ZNF510: variants seen among roughly 807,000 people sequenced by gnomAD.
ZNF510 encodes the protein zinc finger protein 510.
Under a neutral mutation model 18.1 loss-of-function variants are expected in ZNF510, and 15 were observed. The observed-to-expected ratio is 0.83, with a 90% CI of 0.55 to 1.28. ZNF510 has a LOEUF of 1.28. Among genes scored for constraint, ZNF510 ranks in the 50% most tolerant of loss-of-function variants. The pLI, the probability that ZNF510 is intolerant of heterozygous loss-of-function variation, is 0.00. For missense variants in ZNF510, 724 were observed against 791.8 expected (o/e 0.91, Z 1.03); for synonymous variants, 261 against 266.4 (o/e 0.98, Z 0.20).
intron 5 of ZNF510, among the ~76,000 whole-genome samples, chr9:96,761,940 T>C (rs1849356204): frequency 6.6e-6 from 1 of 152,072 alleles, no homozygotes; most frequent in Non-Finnish European, 1.5e-5. Context: ...TTGTCAGTCA[T>C]ACAGTTAGAA....
intron 3 of ZNF510, among the ~76,000 whole-genome samples, chr9:96,770,615 AT>A (rs1849566974): frequency 1.6e-5 from 2 of 128,300 alleles, no homozygotes; most frequent in African/African-American, 8.9e-5. Flanking sequence ...AAAAAAAAAT[AT>A]ATATATATAT....
chr9:96,777,676 C>T (rs1301560940), intron 1 of ZNF510: 1 of 152,246 alleles, frequency 6.6e-6, no homozygotes, highest in African/African-American at 2.4e-5. Flanking sequence ...AGCTCCTAGG[C>T]TCGGCCTCTC....
In ZNF510 at chr9:96,774,810, T is replaced by C. The variant is rs1369954854; in HGVS notation, c.107A>G (p.Gln36Arg). The C allele has an allele frequency of 6.2e-7, 1 of 1,613,966 alleles. No homozygotes were observed. Among genetic ancestry groups the C allele is most frequent in the Non-Finnish European group, 8.5e-7 (1 of 1,179,994 alleles). Residue 36 changes from glutamine to arginine, a missense_variant, in exon 3 of 6, where the codon CAG (glutamine) becomes CGG (arginine). Gln to Arg is a conservative substitution (Grantham distance 43, BLOSUM62 1). Transcript: ENST00000223428. ...PLRFSTLFQE[Q>R]QKMNISQASV... Reference sequence around the variant, plus strand: ...CACCTGAGATATGTTCATTTTCTGCTGCTCCTGAAAGAGTGTGGAGAACCG... The same window carrying C: ...CACCTGAGATATGTTCATTTTCTGCCGCTCCTGAAAGAGTGTGGAGAACCG...
At chr9:96,766,451 T>G (rs2117997223) in intron 3 of ZNF510, among the ~76,000 whole-genome samples, 1 of 152,158 alleles carries the variant, frequency 6.6e-6, no homozygotes, top group African/African-American at 2.4e-5. Flanking sequence ...TATCTATGGC[T>G]GCTTAACACT....
intron 3 of ZNF510, among the ~76,000 whole-genome samples, chr9:96,767,355 C>G (rs1396834649): frequency 6.6e-6 from 1 of 151,954 alleles, no homozygotes; most frequent in South Asian, 2.1e-4. Flanking sequence ...CAAAACAAAA[C>G]AAACCCCTGA....
rs115397623 is a variant in ZNF510 at position 96,765,949 on chromosome 9, G to A, written c.130-2317C>T. Among the ~76,000 whole-genome samples the A allele has an allele frequency of 2.5e-3, 376 of 152,278 alleles. 2 individuals carry two copies. Among genetic ancestry groups the A allele is most frequent in the African/African-American group, 8.1e-3 (335 of 41,536 alleles). ...GATTCATTCAGGCATTAGTTATGGT[G>A]TTGTTGGCCATTAGTTCAATCATTA... On this transcript the variant is annotated intron_variant, in intron 3 of 5. Transcript: ENST00000223428.
chr9:96,774,883 G>A (rs1849657774), intron 2 of ZNF510, 37 bp from the exon 3 acceptor site: 1 of 1,587,226 alleles, frequency 6.3e-7, no homozygotes, highest in East Asian at 2.2e-5. Context: ...GATCTGGGCA[G>A]CCTCCATCTT....
At chr9:96,771,192 A>G (rs1849578232) in intron 3 of ZNF510, among the ~76,000 whole-genome samples, 1 of 152,204 alleles carries the variant, frequency 6.6e-6, no homozygotes, top group Admixed American at 6.5e-5. Flanking sequence ...ACTGCAAGCC[A>G]GTATCTTTCC....
chr9:96,760,102 T>C lies in ZNF510; in HGVS notation c.728A>G (p.Lys243Arg). Reference sequence around the variant, plus strand: ...CTCCAAAGTTTGAAACTTTGGATGCTTGGGAAGATTTTCATTATAATTGAG... The same window carrying C: ...CTCCAAAGTTTGAAACTTTGGATGCCTGGGAAGATTTTCATTATAATTGAG... The part of the protein sequence containing the change: ...KALNYNENLP[K>R]HPKFQTLEQA... Residue 243 changes from lysine to arginine, a missense_variant, in exon 6 of 6, where the codon AAG (lysine) becomes AGG (arginine). Coordinates refer to ENST00000223428, the MANE Select transcript of ZNF510 (RefSeq NM_014930.3). 1.2e-6 allele frequency: 2 copies of C among 1,608,924 alleles called. No individual in the cohort carries two copies. Among genetic ancestry groups the C allele is most frequent in the East Asian group, 2.2e-5 (1 of 44,836 alleles).
chr9:96,776,620 C>CA (rs1043854182), intron 1 of ZNF510, among the ~76,000 whole-genome samples: 1 of 152,106 alleles, frequency 6.6e-6, no homozygotes, highest in African/African-American at 2.4e-5. Flanking sequence ...ACTAAAAATA[C>CA]AAAAAATTAG....
chr9:96,755,400 A>C lies in ZNF510; in HGVS notation c.*3378T>G, dbSNP rs1849171628. Among the ~76,000 whole-genome samples the C allele has an allele frequency of 6.6e-6, 1 of 152,228 alleles. No individual in the cohort carries two copies. Among genetic ancestry groups the C allele is most frequent in the South Asian group, 2.1e-4 (1 of 4,828 alleles). ...TGATTCTCAGGGACTAACTGGTCCT[A>C]ACAGGTACTAACTGGGCTTGTGTAC... is the stretch of plus-strand genomic sequence containing the variant. On this transcript the variant is annotated 3_prime_UTR_variant, in exon 6 of 6. Transcript: ENST00000223428.
chr9:96,772,975 T>G lies in ZNF510; in HGVS notation c.129+1813A>C, dbSNP rs575109155. 4.6e-5 allele frequency among the ~76,000 whole-genome samples: 7 copies of G among 152,084 alleles called. No individual in the cohort carries two copies. In the South Asian group the frequency reaches 1.5e-3, roughly 32 times the overall value. The stretch of plus-strand genomic sequence containing the variant: ...AGGAAAAACAAATGAAAAAATGCAC[T>G]AAGAGGAGAATGAGGAAATAAATTA... On this transcript the variant is annotated intron_variant, in intron 3 of 5. Transcript: ENST00000223428.
Position 96,758,683 on chromosome 9 carries a change from G to C in ZNF510, c.*95C>G. ...ACAGTGAGGGTTTACTTCTGGGACT[G>C]TCTTCTTACATTCACTACCCTCAAT... is the stretch of plus-strand genomic sequence containing the variant. On this transcript the variant is annotated 3_prime_UTR_variant, in exon 6 of 6. Coordinates refer to ENST00000223428, the MANE Select transcript of ZNF510 (RefSeq NM_014930.3). The C allele has an allele frequency of 7.8e-7, 1 of 1,287,784 alleles. No individual in the cohort carries two copies. Among genetic ancestry groups the C allele is most frequent in the South Asian group, 1.6e-5 (1 of 62,896 alleles). The allele number at this position is 1,287,784 out of a possible 1,614,324, so 79.8% of individuals were successfully genotyped here.
chr9:96,759,422 C>T lies in ZNF510; in HGVS notation c.1408G>A (p.Val470Ile). 1 of 1,614,062 alleles carries T rather than the reference C, an allele frequency of 6.2e-7. No individual in the cohort carries two copies. The change falls in exon 6 of 6, where the codon GTC becomes ATC. Residue 470 changes from valine (V) to isoleucine (I), a missense_variant. By Grantham distance (29) the Val-to-Ile change is conservative. Transcript: ENST00000223428. ...YKCNECGKTF[V>I]QKSTLRGHQR... ...TGTCCCCTGAGGGTTGACTTCTGGA[C>T]AAATGTTTTTCCACATTCATTACAT...
At position 96,760,388 on chromosome 9, in the gene ZNF510, A is replaced by G. The variant is rs77379357; in HGVS notation, c.442T>C (p.Leu148=). The change falls in exon 6 of 6, where the codon TTG becomes CTG. Residue 148 remains leucine, a synonymous_variant. Coordinates refer to ENST00000223428, the MANE Select transcript of ZNF510 (RefSeq NM_014930.3). ...EQAICINNKT[L]TTEEEKVLGK... is the part of the protein sequence containing the mutation. ...AAAACTTTCTCTTCCTCTGTAGTCAATGTTTTATTATTGATACATATTGCT... is the reference window on the plus strand; with the variant it reads ...AAAACTTTCTCTTCCTCTGTAGTCAGTGTTTTATTATTGATACATATTGCT... 2,871 of 1,613,628 alleles carry G rather than the reference A, an allele frequency of 1.8e-3. 57 individuals carry two copies. In the African/African-American group the frequency reaches 0.035, roughly 20 times the overall value.
In ZNF510 at chr9:96,758,875, C is replaced by T. The variant is rs1442791552; in HGVS notation, c.1955G>A (p.Gly652Glu). 6.2e-7 allele frequency: 1 copy of T among 1,614,060 alleles called. No individual in the cohort carries two copies. The highest frequency in any genetic ancestry group is 1.1e-5 in the South Asian group (1 of 91,072). Residue 652 changes from glycine to glutamate, a missense_variant, in exon 6 of 6, where the codon GGG becomes GAG. Gly to Glu is a moderately conservative substitution (Grantham distance 98). Transcript: ENST00000223428. ...NLRIHQRTHSGEKSYECNEYG... is the reference protein window; with the variant it reads ...NLRIHQRTHSEEKSYECNEYG... ...TTCATTGCATTCATAAGATTTCTCC[C>T]CACTGTGAGTCCTTTGATGTATTCT...
At position 96,758,836 on chromosome 9, in the gene ZNF510, C is replaced by T. The variant is rs1021913208; in HGVS notation, c.1994G>A (p.Cys665Tyr). The change falls in exon 6 of 6, where the codon TGT (cysteine) becomes TAT (tyrosine). Residue 665 changes from cysteine (C) to tyrosine (Y), a missense_variant. By Grantham distance (194) the Cys-to-Tyr change is radical. Transcript: ENST00000223428. ...SYECNEYGKL[C>Y]KKSTLSLYQK... Reference sequence around the variant, plus strand: ...GTATAAGCTTAGGGTAGACTTCTTACATAATTTCCCATATTCATTGCATTC... The same window carrying T: ...GTATAAGCTTAGGGTAGACTTCTTATATAATTTCCCATATTCATTGCATTC... 6.2e-7 allele frequency: 1 copy of T among 1,612,808 alleles called. No homozygotes were observed. The highest frequency in any genetic ancestry group is 1.7e-5 in the Admixed American group (1 of 59,946).
intron 1 of ZNF510, among the ~76,000 whole-genome samples, chr9:96,776,501 G>A (rs1352646646): frequency 2.0e-5 from 3 of 152,146 alleles, no homozygotes; most frequent in South Asian, 4.1e-4. Context: ...CAGGCCGGGC[G>A]TGGTGGCTCA....
At chr9:96,770,456 G>A (rs1849561913) in intron 3 of ZNF510, among the ~76,000 whole-genome samples, 3 of 151,312 alleles carry the variant, frequency 2.0e-5, no homozygotes, top group Admixed American at 6.6e-5. Flanking sequence ...AGAAAAATTA[G>A]CCAGGCATGA....
Sources: allele counts gnomAD v4.1 joint callset (sites outside exome capture counted in the v4.1 genomes callset), GRCh38; gene constraint gnomAD v4.1.1; transcripts MANE v1.5; gene names NCBI Gene and HGNC (gene_info 2026-07-23, HGNC 2026-07-21).